NFIB: variants seen among roughly 807,000 people sequenced by gnomAD.
The protein encoded by NFIB is nuclear factor I B.
NFIB carries 11 observed loss-of-function variants against 61.5 expected under a neutral mutation model. That is an observed-to-expected ratio of 0.18 (90% CI 0.11 to 0.30). NFIB has a LOEUF of 0.30. Ranked by LOEUF, NFIB falls within the 10% of genes least tolerant of loss-of-function variation. NFIB has a pLI of 1.00. For missense variants in NFIB, 471 were observed against 608.9 expected (o/e 0.77, Z 2.38); for synonymous variants, 260 against 216.5 (o/e 1.20, Z -1.76).
At chr9:14,425,607 ATTTTTTTTT>A in the NFIB span, among the ~76,000 whole-genome samples, 331 of 99,054 alleles carry the variant, frequency 3.3e-3, 2 homozygotes, top group African/African-American at 0.011. Context: ...TTGCTACATA[ATTTTTTTTT>A]TTTTTTTTTT....
intron 2 of NFIB, among the ~76,000 whole-genome samples, chr9:14,241,886 C>A (rs2054396305): frequency 6.6e-6 from 1 of 152,040 alleles, no homozygotes; most frequent in Non-Finnish European, 1.5e-5. Context: ...AACAAAAATC[C>A]CAATTTGACT....
chr9:14,320,281 G>A (rs1416419937), intron 1 of NFIB, among the ~76,000 whole-genome samples: 1 of 152,132 alleles, frequency 6.6e-6, no homozygotes, highest in Non-Finnish European at 1.5e-5. Context: ...CAGTAAAAAC[G>A]TTTTCCCAGT....
intron 2 of NFIB, among the ~76,000 whole-genome samples, chr9:14,206,326 C>G (rs2049706692): frequency 6.6e-6 from 1 of 151,844 alleles, no homozygotes; most frequent in Non-Finnish European, 1.5e-5. Flanking sequence ...ACAGATGCAC[C>G]TGGCTAATTT....
the NFIB span, among the ~76,000 whole-genome samples, chr9:14,409,076 G>A: frequency 6.6e-6 from 1 of 152,150 alleles, no homozygotes; most frequent in Non-Finnish European, 1.5e-5. Context: ...TGGTTCTGTG[G>A]TGGGGAAGAA....
At chr9:14,259,000 A>T (rs913826485) in intron 2 of NFIB, among the ~76,000 whole-genome samples, 1 of 152,158 alleles carries the variant, frequency 6.6e-6, no homozygotes, top group African/African-American at 2.4e-5. Context: ...TGAAATATTA[A>T]TAATAGTTCT....
At chr9:14,391,297 A>T (rs1006617301) in intron 1 of NFIB, among the ~76,000 whole-genome samples, 2 of 151,674 alleles carry the variant, frequency 1.3e-5, no homozygotes, top group Non-Finnish European at 2.9e-5. Flanking sequence ...TTGTTAGGGT[A>T]GGTAGTTAGG....
chr9:14,307,605 C>T lies in NFIB; in HGVS notation c.31-85G>A, dbSNP rs913050774. Reference sequence around the variant, plus strand: ...AAAAAATAAGAAAAGAAGACCACAACCCGTTTCCAATTCAGTACAAAAAGT... The same window carrying T: ...AAAAAATAAGAAAAGAAGACCACAATCCGTTTCCAATTCAGTACAAAAAGT... On this transcript the variant is annotated intron_variant, in intron 1 of 10. Coordinates refer to ENST00000380953, the MANE Select transcript of NFIB (RefSeq NM_001190737.2). This position sits in a 1 kb window ranked among gnomAD's most constrained non-coding sequence, Gnocchi z 5.3. 7.6e-7 allele frequency: 1 copy of T among 1,317,408 alleles called. No homozygotes were observed. The highest frequency in any genetic ancestry group is 1.0e-6 in the Non-Finnish European group (1 of 985,380). The allele number at this position is 1,317,408 out of a possible 1,614,324, so 81.6% of individuals were successfully genotyped here.
At chr9:14,441,688 C>T in the NFIB span, among the ~76,000 whole-genome samples, 1 of 151,922 alleles carries the variant, frequency 6.6e-6, no homozygotes, top group East Asian at 1.9e-4. Context: ...TGGGCTTGAC[C>T]TCAGGAGAGG....
chr9:14,163,664 G>A lies in NFIB; in HGVS notation c.617-7771C>T, dbSNP rs529584286. The stretch of plus-strand genomic sequence containing the variant: ...AAACTTTATAAAAAATAAAGTCACA[G>A]TGAGAATTTTTACTATTAATGTATC... On this transcript the variant is annotated intron_variant, in intron 3 of 10. Coordinates refer to ENST00000380953, the MANE Select transcript of NFIB (RefSeq NM_001190737.2). 1.2e-4 allele frequency among the ~76,000 whole-genome samples: 19 copies of A among 152,114 alleles called. 1 individual carries two copies. In the South Asian group the frequency reaches 3.7e-3, roughly 30 times the overall value.
chr9:14,235,560 C>A (rs926603443), intron 2 of NFIB, among the ~76,000 whole-genome samples: 1 of 152,178 alleles, frequency 6.6e-6, no homozygotes, highest in Non-Finnish European at 1.5e-5. Context: ...GGTTATATGT[C>A]ACTTACCTAA....
chr9:14,338,283 A>G (rs919269130), intron 1 of NFIB, among the ~76,000 whole-genome samples: 1 of 152,194 alleles, frequency 6.6e-6, no homozygotes, highest in African/African-American at 2.4e-5. Flanking sequence ...AGTCTCAACT[A>G]CTCGGGAGGC....
intron 6 of NFIB, among the ~76,000 whole-genome samples, chr9:14,129,213 G>A (rs1029958461): frequency 3.3e-5 from 5 of 151,962 alleles, no homozygotes; most frequent in African/African-American, 9.7e-5. Context: ...CAAACTGAAA[G>A]GATTTGCTTT....
At chr9:14,267,204 A>C (rs1191976768) in intron 2 of NFIB, among the ~76,000 whole-genome samples, 1 of 152,192 alleles carries the variant, frequency 6.6e-6, no homozygotes, top group Non-Finnish European at 1.5e-5. Context: ...AATAGGAAAA[A>C]GGTAGTTTTA....
chr9:14,419,175 G>T, the NFIB span, among the ~76,000 whole-genome samples: 3 of 151,054 alleles, frequency 2.0e-5, no homozygotes, highest in East Asian at 5.8e-4. Context: ...GCTTTGAAAG[G>T]TTTTAATTGC....
intron 2 of NFIB, among the ~76,000 whole-genome samples, chr9:14,224,752 G>T (rs1320860050): frequency 6.6e-6 from 1 of 152,194 alleles, no homozygotes; most frequent in African/African-American, 2.4e-5. Context: ...CCTGGGGTTG[G>T]GGCGGTCCTA....
the NFIB span, among the ~76,000 whole-genome samples, chr9:14,439,099 T>C: frequency 6.6e-6 from 1 of 152,164 alleles, no homozygotes; most frequent in Non-Finnish European, 1.5e-5. Flanking sequence ...GGCTCGGCGT[T>C]GTGGCTCGTG....
At chr9:14,112,327 A>T (rs2037501075) in intron 10 of NFIB, among the ~76,000 whole-genome samples, 1 of 152,224 alleles carries the variant, frequency 6.6e-6, no homozygotes, top group African/African-American at 2.4e-5. Context: ...TCTGTTTATA[A>T]GCCACCATTA....
intron 2 of NFIB, among the ~76,000 whole-genome samples, chr9:14,268,706 G>T (rs1457470954): frequency 2.0e-5 from 3 of 152,164 alleles, no homozygotes; most frequent in Non-Finnish European, 4.4e-5. Context: ...TGAATTAGGT[G>T]CTTAGTTTTA....
the NFIB span, among the ~76,000 whole-genome samples, chr9:14,453,390 T>TTA: frequency 6.6e-6 from 1 of 152,246 alleles, no homozygotes; most frequent in African/African-American, 2.4e-5. Flanking sequence ...GTTCCCTTAA[T>TTA]ACTTTTCAAA....
Sources: gnomAD v4.1 joint callset for allele counts (sites outside exome capture counted in the v4.1 genomes callset) on GRCh38, gnomAD v4.1.1 for gene constraint, Gnocchi (gnomAD v3.1) non-coding constraint, MANE v1.5 for transcripts, NCBI Gene and HGNC (gene_info 2026-07-23, HGNC 2026-07-21) for gene names.